DHX33: variants seen among roughly 807,000 people sequenced by gnomAD.
DHX33 encodes the protein ATP-dependent RNA helicase DHX33.
In DHX33, 42 loss-of-function variants were observed where a neutral mutation model predicts 72.5. The ratio of observed to expected loss-of-function variants is 0.58; its 90% confidence interval spans 0.45 to 0.75. DHX33 has a LOEUF of 0.75. DHX33 is among the 30% of genes least tolerant of loss of function. The pLI, the probability that DHX33 is intolerant of heterozygous loss-of-function variation, is 0.00. For synonymous variants in DHX33, 358 were observed against 366.1 expected (o/e 0.98, Z 0.25); for missense variants, 842 against 917.5 (o/e 0.92, Z 1.06).
In DHX33 at chr17:5,453,947, A is replaced by G. The variant is rs750579945; in HGVS notation, c.1181T>C (p.Val394Ala). 6.8e-6 allele frequency: 11 copies of G among 1,613,986 alleles called. No individual in the cohort carries two copies. Among genetic ancestry groups the G allele is most frequent in the Non-Finnish European group, 9.3e-6 (11 of 1,180,020 alleles). The change falls in exon 7 of 12, where the codon GTA becomes GCA. Residue 394 changes from valine (V) to alanine (A), a missense_variant. Val to Ala is a moderately conservative substitution (Grantham distance 64, BLOSUM62 0). Coordinates refer to ENST00000225296, the MANE Select transcript of DHX33 (RefSeq NM_020162.4). ...GCGCTGCCAAGCCTGCGTCTTCGAT[A>G]CCCGCTGCACTGCTAACACCTCAAG... ...SGLEVLAVQR[V>A]SKTQAWQRTG...
intron 8 of DHX33, among the ~76,000 whole-genome samples, chr17:5,453,086 G>T (rs1917021825): frequency 6.6e-6 from 1 of 152,120 alleles, no homozygotes; most frequent in Non-Finnish European, 1.5e-5. Context: ...CCAGTTAAAG[G>T]CAAAGAAATG....
intron 5 of DHX33, 22 bp from the exon 6 acceptor site, chr17:5,455,293 A>G (rs1415924037): frequency 1.3e-6 from 2 of 1,595,258 alleles, no homozygotes; most frequent in Non-Finnish European, 1.7e-6. Flanking sequence ...AAGAAAACCA[A>G]AAAGCCGCAT....
Position 5,456,159 on chromosome 17 carries a change from G to C in DHX33, c.873C>G (p.Ile291Met). Residue 291 changes from isoleucine (I) to methionine (M), a missense_variant, in exon 5 of 12, where the codon ATC (isoleucine) becomes ATG (methionine). By Grantham distance (10) the Ile-to-Met change is conservative. Coordinates refer to ENST00000225296, the MANE Select transcript of DHX33 (RefSeq NM_020162.4). Reference protein sequence around the residue: ...IHQEAPSSQDILVFLTGQEEI... With the variant: ...IHQEAPSSQDMLVFLTGQEEI... ...CCTCCTGCCCAGTGAGGAACACCAG[G>C]ATGTCCTGTGAAGAAGGGGCTTCCT... is the stretch of plus-strand genomic sequence containing the variant. 9 of 1,614,102 alleles carry C rather than the reference G, an allele frequency of 5.6e-6. No individual in the cohort carries two copies. Among genetic ancestry groups the C allele is most frequent in the Non-Finnish European group, 6.8e-6 (8 of 1,179,942 alleles).
Position 5,462,562 on chromosome 17 carries a change from A to G in DHX33, c.451-16T>C. 1 of 1,596,920 alleles carries G rather than the reference A, an allele frequency of 6.3e-7. No individual in the cohort carries two copies. The highest frequency in any genetic ancestry group is 2.2e-5 in the East Asian group (1 of 44,736). On this transcript the variant is annotated splice_polypyrimidine_tract_variant and intron_variant, in intron 2 of 11. Transcript: ENST00000225296. Reference sequence around the variant, plus strand: ...TATAGCCAACCTGTGCAGGGAAACAATTTATTCAGTCACCAAACATTTCTT... The same window carrying G: ...TATAGCCAACCTGTGCAGGGAAACAGTTTATTCAGTCACCAAACATTTCTT...
chr17:5,452,527 G>T (rs961942067), intron 8 of DHX33, among the ~76,000 whole-genome samples: 1 of 151,846 alleles, frequency 6.6e-6, no homozygotes, highest in Non-Finnish European at 1.5e-5. Flanking sequence ...GCAACAGAGT[G>T]AGACCCTGTC....
intron 4 of DHX33, among the ~76,000 whole-genome samples, chr17:5,457,348 C>T (rs537535446): frequency 1.9e-4 from 29 of 151,076 alleles, no homozygotes; most frequent in African/African-American, 4.4e-4. Context: ...ATGGACTGGG[C>T]GCAGTGGCTC....
intron 4 of DHX33, among the ~76,000 whole-genome samples, chr17:5,457,988 G>T (rs940800954): frequency 5.9e-5 from 9 of 152,214 alleles, no homozygotes; most frequent in African/African-American, 2.2e-4. Context: ...CATTTTGGAA[G>T]AGAGGGGAAA....
intron 7 of DHX33, 57 bp from the exon 8 acceptor site, chr17:5,453,725 C>A: frequency 1.9e-6 from 3 of 1,612,004 alleles, no homozygotes; most frequent in Non-Finnish European, 2.5e-6. Flanking sequence ...TGAGTCAGAA[C>A]CCCTCATGGT....
rs917444373 is a variant in DHX33 at position 5,462,550 on chromosome 17, T to C, written c.451-4A>G. On this transcript the variant is annotated splice_region_variant and splice_polypyrimidine_tract_variant and intron_variant, in intron 2 of 11. Coordinates refer to ENST00000225296, the MANE Select transcript of DHX33 (RefSeq NM_020162.4). ...CAAAGCGCACTGTATAGCCAACCTG[T>C]GCAGGGAAACAATTTATTCAGTCAC... 11 of 1,610,238 alleles carry C rather than the reference T, an allele frequency of 6.8e-6. No homozygotes were observed. The highest frequency in any genetic ancestry group is 1.3e-5 in the African/African-American group (1 of 74,846).
At chr17:5,458,232 C>T (rs1253992393) in intron 4 of DHX33, among the ~76,000 whole-genome samples, 1 of 152,022 alleles carries the variant, frequency 6.6e-6, no homozygotes, top group African/African-American at 2.4e-5. Flanking sequence ...CCTGCCCCAA[C>T]TGGAACAGCA....
At position 5,453,906 on chromosome 17, in the gene DHX33, T is replaced by C. The variant is rs1304170281; in HGVS notation, c.1222A>G (p.Arg408Gly). 6.2e-7 allele frequency: 1 copy of C among 1,609,892 alleles called. No homozygotes were observed. The highest frequency in any genetic ancestry group is 2.2e-5 in the East Asian group (1 of 44,658). Reference sequence around the variant, plus strand: ...CGGTAGCAGATGCCACTGTCCTCTCTGCCAGCCCTCCCTGTGCGCTGCCAA... The same window carrying C: ...CGGTAGCAGATGCCACTGTCCTCTCCGCCAGCCCTCCCTGTGCGCTGCCAA... ...QAWQRTGRAG[R>G]EDSGICYRLY... Residue 408 changes from arginine to glycine, a missense_variant, in exon 7 of 12, where the codon AGA (arginine) becomes GGA (glycine). Transcript: ENST00000225296.
At chr17:5,464,823 C>A (rs573359431) in intron 1 of DHX33, among the ~76,000 whole-genome samples, 1 of 152,328 alleles carries the variant, frequency 6.6e-6, no homozygotes, top group East Asian at 1.9e-4. Flanking sequence ...CCTTCAAACC[C>A]TCTGCCTCTG....
rs1916848849 is a variant in DHX33 at position 5,450,391 on chromosome 17, G to T, written c.1540C>A (p.Pro514Thr). The T allele has an allele frequency of 1.2e-6, 2 of 1,614,050 alleles. No homozygotes were observed. The highest frequency in any genetic ancestry group is 1.7e-6 in the Non-Finnish European group (2 of 1,179,940). Residue 514 changes from proline (P) to threonine (T), a missense_variant, in exon 10 of 12, where the codon CCC (proline) becomes ACC (threonine). Physicochemically the swap from Pro to Thr is conservative, Grantham distance 38. Transcript: ENST00000225296. ...PKFAKTILMS[P>T]KFHCTEEILT... is the part of the protein sequence containing the mutation. ...ATCTCCTCTGTACAGTGGAATTTGGGGGACATGAGGATGGTCTGCAAAGCA... is the reference window on the plus strand; with the variant it reads ...ATCTCCTCTGTACAGTGGAATTTGGTGGACATGAGGATGGTCTGCAAAGCA...
rs1180754314 is a variant in DHX33, at chr17:5,442,580, A to C, written c.*1625T>G. 6.6e-6 allele frequency: 1 copy of C among 152,124 alleles called. No individual in the cohort carries two copies. 9.4% of individuals were successfully genotyped at this position (152,124 alleles called of 1,614,324 possible). ...CGGCTAGTGTTGGAAATAAAGACTG[A>C]GCCGGACTTGACATACACAACTCCG... On this transcript the variant is annotated 3_prime_UTR_variant, in exon 12 of 12. Coordinates refer to ENST00000225296, the MANE Select transcript of DHX33 (RefSeq NM_020162.4).
At chr17:5,450,524 A>G in intron 9 of DHX33, 118 bp from the exon 10 acceptor site, 1 of 1,127,234 alleles carries the variant, frequency 8.9e-7, no homozygotes, top group Non-Finnish European at 1.3e-6. Context: ...AGGTATTTCT[A>G]AAACCATGGC....
rs907207511 is a variant in DHX33 at position 5,441,035 on chromosome 17, G to A, written c.*3170C>T. 3 of 151,790 alleles carry A rather than the reference G, an allele frequency of 2.0e-5. No homozygotes were observed. Among genetic ancestry groups the A allele is most frequent in the African/African-American group, 7.3e-5 (3 of 41,300 alleles). The allele number at this position is 151,790 out of a possible 1,614,324, so 9.4% of individuals were successfully genotyped here. A position where few individuals can be genotyped will look rare whatever the true frequency, so the allele number is the denominator to read the frequency against. ...ACCAGACTCTCAAAATACAACATAA[G>A]CCTGAACCTACTTGATTTTTTTTTC... is the stretch of plus-strand genomic sequence containing the variant. On this transcript the variant is annotated 3_prime_UTR_variant, in exon 12 of 12. Coordinates refer to ENST00000225296, the MANE Select transcript of DHX33 (RefSeq NM_020162.4).
intron 1 of DHX33, among the ~76,000 whole-genome samples, chr17:5,467,387 C>T (rs1904920650): frequency 6.6e-6 from 1 of 152,156 alleles, no homozygotes; most frequent in African/African-American, 2.4e-5. Context: ...ACATGCCGTC[C>T]CTCCTCCTTT....
chr17:5,452,003 T>C (rs909411380), intron 8 of DHX33, among the ~76,000 whole-genome samples: 3 of 138,988 alleles, frequency 2.2e-5, no homozygotes, highest in Admixed American at 8.0e-5. Flanking sequence ...AGTAAAACAG[T>C]GAAGAAAAGC....
chr17:5,452,432 C>A (rs761440119), intron 8 of DHX33, among the ~76,000 whole-genome samples: 5 of 152,086 alleles, frequency 3.3e-5, no homozygotes, highest in African/African-American at 4.8e-5. Flanking sequence ...CCTAGCTACT[C>A]GGGAGGCTGA....
Sources: gnomAD v4.1 joint callset for allele counts (sites outside exome capture counted in the v4.1 genomes callset) on GRCh38, gnomAD v4.1.1 for gene constraint, MANE v1.5 for transcripts, NCBI Gene and HGNC (gene_info 2026-07-23, HGNC 2026-07-21) for gene names.